Variants in CPQ observed in about 807,000 individuals in gnomAD.
The protein encoded by CPQ is Ser-Met dipeptidase.
A neutral mutation model predicts 45.7 loss-of-function variants in CPQ; 37 were observed. The ratio of observed to expected loss-of-function variants is 0.81; its 90% CI spans 0.62 to 1.07. CPQ has a LOEUF of 1.07. Among genes scored for constraint, CPQ ranks in the 50% least tolerant of loss-of-function variants. The probability of loss-of-function intolerance (pLI) is 0.00; values close to 1 mark genes in which losing one functional copy is unlikely to be tolerated. For missense variants in CPQ, 537 were observed against 572.9 expected, an observed-to-expected ratio of 0.94 and a Z score of 0.64; for synonymous variants, 186 against 205.8, an observed-to-expected ratio of 0.90 and a Z score of 0.82.
chr8:96,889,960 C>T (rs1354035145), intron 4 of CPQ, among the ~76,000 whole-genome samples: 1 of 152,192 alleles, frequency 6.6e-6, no homozygotes, highest in Non-Finnish European at 1.5e-5. Context: ...TAATACTTTG[C>T]ATCCTTCAAT....
intron 4 of CPQ, among the ~76,000 whole-genome samples, chr8:96,944,135 T>G (rs1813158592): frequency 1.3e-5 from 2 of 152,302 alleles, no homozygotes; most frequent in African/African-American, 2.4e-5. Flanking sequence ...TTCTTTTTTT[T>G]AGTGTTATCA....
At chr8:97,081,441 TCA>T (rs1038190042) in intron 7 of CPQ, among the ~76,000 whole-genome samples, 32 of 152,190 alleles carry the variant, frequency 2.1e-4, no homozygotes, top group Admixed American at 2.1e-3. Context: ...GAGTTGTGCT[TCA>T]CACTCTTGAC....
intron 6 of CPQ, among the ~76,000 whole-genome samples, chr8:97,063,812 T>C (rs1184639899): frequency 1.3e-5 from 2 of 152,142 alleles, no homozygotes; most frequent in Non-Finnish European, 2.9e-5. Flanking sequence ...CCCTACTCTG[T>C]TCCATTGGTC....
At chr8:96,898,981 G>C (rs970835095) in intron 4 of CPQ, among the ~76,000 whole-genome samples, 1 of 152,052 alleles carries the variant, frequency 6.6e-6, no homozygotes, top group Non-Finnish European at 1.5e-5. Context: ...TATGGGTGGT[G>C]AGAACGTCAA....
intron 1 of CPQ, among the ~76,000 whole-genome samples, chr8:96,765,979 G>A (rs1020245898): frequency 2.0e-5 from 3 of 152,218 alleles, no homozygotes; most frequent in Non-Finnish European, 2.9e-5. Flanking sequence ...ATTGGGACCT[G>A]TAGGAGGCCC....
At chr8:96,975,522 C>CAA (rs59259565) in intron 5 of CPQ, among the ~76,000 whole-genome samples, 86 of 142,778 alleles carry the variant, frequency 6.0e-4, no homozygotes, top group African/African-American at 2.1e-3. Context: ...GAGGACATAA[C>CAA]AAAAAAAAAA....
chr8:96,802,587 A>G (rs2130823239), intron 2 of CPQ, among the ~76,000 whole-genome samples: 1 of 152,290 alleles, frequency 6.6e-6, no homozygotes, highest in Non-Finnish European at 1.5e-5. Context: ...ATTTCCAGGA[A>G]GTTTCAGAAC....
At chr8:96,815,736 G>A (rs760680361) in intron 2 of CPQ, among the ~76,000 whole-genome samples, 25 of 151,962 alleles carry the variant, frequency 1.6e-4, no homozygotes, top group Non-Finnish European at 3.1e-4. Context: ...GGCATCCCTC[G>A]GAGATATTGT....
intron 1 of CPQ, among the ~76,000 whole-genome samples, chr8:96,662,055 A>G (rs576623226): frequency 2.0e-5 from 3 of 152,248 alleles, no homozygotes; most frequent in South Asian, 4.1e-4. Flanking sequence ...ATCTTTTCAC[A>G]TGTTTATTTT....
rs1339741920 is a variant in CPQ, at chr8:97,029,500, A to C, written c.1053+6A>C. ...AGTATTATCAGTTACACAAGGTAAA[A>C]ACCCAGCTGTGGATTGCTAAGCATT... is the stretch of plus-strand genomic sequence containing the variant. On this transcript the variant is annotated splice_donor_region_variant and intron_variant, in intron 6 of 7. Transcript: ENST00000220763. The C allele has an allele frequency of 6.3e-7, 1 of 1,597,866 alleles. No individual in the cohort carries two copies. The highest frequency in any genetic ancestry group is 1.3e-5 in the African/African-American group (1 of 74,712).
At chr8:96,797,891 A>C (rs1252892915) in intron 2 of CPQ, among the ~76,000 whole-genome samples, 1 of 151,984 alleles carries the variant, frequency 6.6e-6, no homozygotes, top group Non-Finnish European at 1.5e-5. Flanking sequence ...CTCTACTAAA[A>C]ATACAAAAAA....
intron 1 of CPQ, among the ~76,000 whole-genome samples, chr8:96,688,614 A>G (rs1312855495): frequency 6.6e-6 from 1 of 152,158 alleles, no homozygotes; most frequent in Non-Finnish European, 1.5e-5. Flanking sequence ...TACTATTAGC[A>G]TAGATGAACT....
intron 4 of CPQ, among the ~76,000 whole-genome samples, chr8:96,918,915 A>G (rs1812768724): frequency 6.6e-6 from 1 of 152,038 alleles, no homozygotes; most frequent in Non-Finnish European, 1.5e-5. Flanking sequence ...TTTCAACCCT[A>G]TGACTTACCC....
intron 2 of CPQ, among the ~76,000 whole-genome samples, chr8:96,822,250 G>A (rs767850617): frequency 6.6e-6 from 1 of 151,908 alleles, no homozygotes; most frequent in Non-Finnish European, 1.5e-5. Flanking sequence ...TGGTAAGGCC[G>A]AATAGTAATT....
chr8:96,797,383 TAATC>T (rs1810945796), intron 2 of CPQ, among the ~76,000 whole-genome samples: 1 of 152,194 alleles, frequency 6.6e-6, no homozygotes, highest in Non-Finnish European at 1.5e-5. Flanking sequence ...TTATGTCCCT[TAATC>T]AACAATATGA....
chr8:96,707,771 T>G (rs923145783), intron 1 of CPQ, among the ~76,000 whole-genome samples: 1 of 152,096 alleles, frequency 6.6e-6, no homozygotes, highest in Admixed American at 6.6e-5. Context: ...GGGTTTTACT[T>G]GGCAAAAAAT....
intron 7 of CPQ, among the ~76,000 whole-genome samples, chr8:97,081,561 C>T (rs1400669280): frequency 1.3e-5 from 2 of 152,154 alleles, no homozygotes; most frequent in Non-Finnish European, 2.9e-5. Context: ...AACAGTTGCA[C>T]AAATGCAGGT....
intron 6 of CPQ, among the ~76,000 whole-genome samples, chr8:97,053,083 C>A (rs1810389201): frequency 6.6e-6 from 1 of 152,148 alleles, no homozygotes; most frequent in Admixed American, 6.6e-5. Context: ...TTCACCACCA[C>A]CACCATCATC....
intron 4 of CPQ, among the ~76,000 whole-genome samples, chr8:96,946,537 T>A (rs1333506365): frequency 6.6e-6 from 1 of 151,996 alleles, no homozygotes; most frequent in Non-Finnish European, 1.5e-5. Flanking sequence ...GCCATGCTGG[T>A]GCGCTGCACC....
Sources: gnomAD v4.1 joint callset for allele counts (sites outside exome capture counted in the v4.1 genomes callset) on GRCh38, gnomAD v4.1.1 for gene constraint, MANE v1.5 for transcripts, NCBI Gene and HGNC (gene_info 2026-07-23, HGNC 2026-07-21) for gene names.